PLXND1: variants seen among roughly 807,000 people sequenced by gnomAD.
PLXND1 encodes the protein plexin-D1.
In PLXND1, 54 loss-of-function variants were observed where a neutral mutation model predicts 197.7. The ratio of observed to expected loss-of-function variants is 0.27; its 90% CI spans 0.22 to 0.34. PLXND1 has a LOEUF of 0.34. Ranked by LOEUF, PLXND1 falls within the 10% of genes least tolerant of loss-of-function variation. The probability of loss-of-function intolerance (pLI) is 1.00; values close to 1 mark genes in which losing one functional copy is unlikely to be tolerated. For missense variants in PLXND1, 2,127 were observed against 2,699.2 expected (o/e 0.79, Z 4.70); for synonymous variants, 1,180 against 1,161.2 (o/e 1.02, Z -0.33).
intron 1 of PLXND1, among the ~76,000 whole-genome samples, chr3:129,595,486 G>C (rs1160586083): frequency 6.6e-6 from 1 of 152,234 alleles, no homozygotes; most frequent in African/African-American, 2.4e-5. Context: ...TGGCCAACCA[G>C]GCCTAGCACC....
In PLXND1 at chr3:129,562,894, C is replaced by T. The variant is rs949896624; in HGVS notation, c.4718G>A (p.Arg1573Gln). The T allele has an allele frequency of 4.3e-6, 7 of 1,610,144 alleles. No homozygotes were observed. Among genetic ancestry groups the T allele is most frequent in the African/African-American group, 2.7e-5 (2 of 74,854 alleles). The change falls in exon 27 of 36, where the codon CGG (arginine) becomes CAG (glutamine). Residue 1573 changes from arginine to glutamine, a missense_variant. This residue lies in a region of PLXND1 where 532 missense variants were observed against 811.0 expected (regional missense o/e 0.66). Coordinates refer to ENST00000324093, the MANE Select transcript of PLXND1 (RefSeq NM_015103.3). ...TGTCAGCGTGTCGGTGTCCATGGCC[C>T]GCACGCTCAGCGAGTCCATGCCACA... ...QGCGMDSLSV[R>Q]AMDTDTLTQV... is the part of the protein sequence containing the mutation.
chr3:129,555,331 C>G lies in PLXND1; in HGVS notation c.*981G>C, dbSNP rs757891693. 1.7e-6 allele frequency: 1 copy of G among 580,202 alleles called. No homozygotes were observed. The highest frequency in any genetic ancestry group is 3.0e-6 in the Non-Finnish European group (1 of 332,192). 35.9% of individuals were successfully genotyped at this position (580,202 alleles called of 1,614,324 possible). On this transcript the variant is annotated 3_prime_UTR_variant, in exon 36 of 36. Transcript: ENST00000324093. ...CTGGCTGAGTTGGCTGCGAGGGGCC[C>G]GCATGGCCCATCGGCCACAGAGGGT... is the stretch of plus-strand genomic sequence containing the variant.
At chr3:129,575,964 G>A in intron 9 of PLXND1, 109 bp from the exon 10 acceptor site, 1 of 711,390 alleles carries the variant, frequency 1.4e-6, no homozygotes, top group East Asian at 2.7e-5. Flanking sequence ...AGGTGGGCTT[G>A]GTCGAACTGT....
In PLXND1 at chr3:129,557,903, T is replaced by C. The variant is rs1049330979; in HGVS notation, c.5445+525A>G. ...CTGTCTTTGCCTGCGCCGTTCTCTC[T>C]GCCTGGAAGGCCATCCTCTTTCATC... On this transcript the variant is annotated intron_variant, in intron 33 of 35. Transcript: ENST00000324093. The surrounding 1 kb of genome is among the most constrained non-coding windows in gnomAD (Gnocchi z 4.8). Among the ~76,000 whole-genome samples the C allele has an allele frequency of 1.3e-5, 2 of 152,238 alleles. No homozygotes were observed. Among genetic ancestry groups the C allele is most frequent in the Non-Finnish European group, 2.9e-5 (2 of 68,044 alleles).
intron 1 of PLXND1, among the ~76,000 whole-genome samples, chr3:129,604,661 T>C (rs911148339): frequency 8.5e-5 from 13 of 152,200 alleles, no homozygotes; most frequent in Non-Finnish European, 1.9e-4. Context: ...ACACACCTGT[T>C]TGCCAACCAT....
chr3:129,580,267 G>A (rs1420108103), intron 8 of PLXND1, among the ~76,000 whole-genome samples: 4 of 152,100 alleles, frequency 2.6e-5, no homozygotes, highest in Non-Finnish European at 4.4e-5. Context: ...AGCCAGGCCC[G>A]GGTGCTGCTG....
chr3:129,586,531 C>G, intron 3 of PLXND1, 57 bp downstream of exon 3: 1 of 1,549,568 alleles, frequency 6.5e-7, no homozygotes, highest in Non-Finnish European at 8.7e-7. Flanking sequence ...AAAGGCCAGG[C>G]AAGCAAGAGG....
chr3:129,557,752 G>A lies in PLXND1; in HGVS notation c.5446-529C>T, dbSNP rs929040008. Among the ~76,000 whole-genome samples, 2 of 152,200 alleles carry A rather than the reference G, an allele frequency of 1.3e-5. No individual in the cohort carries two copies. Among genetic ancestry groups the A allele is most frequent in the East Asian group, 1.9e-4 (1 of 5,196 alleles). ...GGAGCGATGGCATTTTCTCCTTCCCGTGGTCCGTCTCTGAAATGCGTGGGC... is the reference window on the plus strand; with the variant it reads ...GGAGCGATGGCATTTTCTCCTTCCCATGGTCCGTCTCTGAAATGCGTGGGC... On this transcript the variant is annotated intron_variant, in intron 33 of 35. Coordinates refer to ENST00000324093, the MANE Select transcript of PLXND1 (RefSeq NM_015103.3). This position sits in a 1 kb window ranked among gnomAD's most constrained non-coding sequence, Gnocchi z 4.8.
intron 1 of PLXND1, among the ~76,000 whole-genome samples, chr3:129,593,013 G>A (rs1299438535): frequency 2.6e-5 from 4 of 152,276 alleles, no homozygotes; most frequent in Non-Finnish European, 4.4e-5. Context: ...CCCCAGCACC[G>A]TCCTCCTTAA....
chr3:129,605,818 C>T lies in PLXND1; in HGVS notation c.822G>A (p.Gln274=). 1 of 1,610,054 alleles carries T rather than the reference C, an allele frequency of 6.2e-7. No homozygotes were observed. Among genetic ancestry groups the T allele is most frequent in the African/African-American group, 1.3e-5 (1 of 75,018 alleles). ...AGGCGCTCACGAAGCCCAGCTTGTG[C>T]TGCTCCTTGGCGCCCTGCTTGATCT... The part of the protein sequence containing the change: ...ILKIKQGAKE[Q]HKLGFVSAFL... Residue 274 remains glutamine (Q), a synonymous_variant, in exon 1 of 36, where the codon CAG becomes CAA. Coordinates refer to ENST00000324093, the MANE Select transcript of PLXND1 (RefSeq NM_015103.3).
intron 2 of PLXND1, among the ~76,000 whole-genome samples, chr3:129,588,027 T>A (rs958388808): frequency 4.6e-5 from 7 of 152,288 alleles, no homozygotes; most frequent in African/African-American, 1.4e-4. Context: ...ACTCCTTCAA[T>A]CATTTATTGA....
At position 129,555,515 on chromosome 3, in the gene PLXND1, T is replaced by C; in HGVS notation, c.*797A>G. On this transcript the variant is annotated 3_prime_UTR_variant, in exon 36 of 36. Coordinates refer to ENST00000324093, the MANE Select transcript of PLXND1 (RefSeq NM_015103.3). ...GCAAGCGGCAGCTATTCACAGTTGGTGCATGATACGTTTTTTAATATATAA... is the reference window on the plus strand; with the variant it reads ...GCAAGCGGCAGCTATTCACAGTTGGCGCATGATACGTTTTTTAATATATAA... The C allele has an allele frequency of 3.0e-6, 2 of 673,994 alleles. No homozygotes were observed. Among genetic ancestry groups the C allele is most frequent in the African/African-American group, 1.8e-5 (1 of 54,908 alleles). 41.8% of individuals were successfully genotyped at this position (673,994 alleles called of 1,614,324 possible).
At chr3:129,590,451 G>A (rs765293140) in intron 1 of PLXND1, among the ~76,000 whole-genome samples, 31 of 152,128 alleles carry the variant, frequency 2.0e-4, no homozygotes, top group Non-Finnish European at 2.9e-4. Context: ...CCGCAAAGAC[G>A]CAGGCACAAG....
rs992730175 is a variant in PLXND1, at chr3:129,605,635, G to C, written c.1005C>G (p.Thr335=). The stretch of plus-strand genomic sequence containing the variant: ...GCAAGCCCAACTGGATGTAGGACTC[G>C]GTGAGCTTCTTGGCGTCGCCGCCGG... ...HGAGGDAKKL[T]ESYIQLGLQC... The change falls in exon 1 of 36, where the codon ACC becomes ACG. Residue 335 remains threonine (T), a synonymous_variant. Transcript: ENST00000324093. The C allele has an allele frequency of 3.2e-5, 49 of 1,537,614 alleles. No homozygotes were observed. Among genetic ancestry groups the C allele is most frequent in the Non-Finnish European group, 4.3e-5 (49 of 1,145,518 alleles).
At chr3:129,592,310 G>A (rs766877355) in intron 1 of PLXND1, among the ~76,000 whole-genome samples, 10 of 152,228 alleles carry the variant, frequency 6.6e-5, no homozygotes, top group Admixed American at 3.3e-4. Flanking sequence ...TCACCACTGC[G>A]AGGGATGATT....
chr3:129,560,845 A>C lies in PLXND1; in HGVS notation c.4994-122T>G, dbSNP rs185980256. On this transcript the variant is annotated intron_variant, in intron 29 of 35. Coordinates refer to ENST00000324093, the MANE Select transcript of PLXND1 (RefSeq NM_015103.3). ...GAAAGATGGGGAGAGAAACAGAAGC[A>C]GAGACAGAAAGATGGAGAGAGAAAC... is the stretch of plus-strand genomic sequence containing the variant. 7.2e-5 allele frequency: 52 copies of C among 722,498 alleles called. No homozygotes were observed. The East Asian group carries it at 1.2e-3, about 16-fold the overall frequency. The allele number at this position is 722,498 out of a possible 1,614,324, so 44.8% of individuals were successfully genotyped here.
chr3:129,605,435 G>A lies in PLXND1; in HGVS notation c.1205C>T (p.Ala402Val), dbSNP rs1166250352. The change falls in exon 1 of 36, where the codon GCT (alanine) becomes GTT (valine). Residue 402 changes from alanine to valine, a missense_variant. Ala to Val is a moderately conservative substitution (Grantham distance 64, BLOSUM62 0). This residue lies in a region of PLXND1 where 1,095 missense variants were observed against 1,259.8 expected (regional missense o/e 0.87). Coordinates refer to ENST00000324093, the MANE Select transcript of PLXND1 (RefSeq NM_015103.3). ...RFADVRAAIR[A>V]ARTACFVEPA... ...TTCCACGAAGCAGGCGGTGCGCGCA[G>A]CTCGGATGGCGGCTCGCACGTCGGC... 4 of 1,503,354 alleles carry A rather than the reference G, an allele frequency of 2.7e-6. No individual in the cohort carries two copies. The highest frequency in any genetic ancestry group is 2.1e-5 in the Admixed American group (1 of 47,068). The allele number at this position is 1,503,354 out of a possible 1,614,324, so 93.1% of individuals were successfully genotyped here. A position where few individuals can be genotyped will look rare whatever the true frequency, so the allele number is the denominator to read the frequency against.
chr3:129,573,653 G>A lies in PLXND1; in HGVS notation c.2778C>T (p.Gly926=), dbSNP rs759897385. ...CACAGGCCACACCACCAATCCACAC[G>A]CCGTGGGCCACGTCACTGAGCCGCC... is the stretch of plus-strand genomic sequence containing the variant. ...LGRRLSDVAH[G]VWIGGVACEP... is the part of the protein sequence containing the mutation. The change falls in exon 13 of 36, where the codon GGC becomes GGT. Residue 926 remains glycine (G), a synonymous_variant. Transcript: ENST00000324093. 15 of 1,613,588 alleles carry A rather than the reference G, an allele frequency of 9.3e-6. No homozygotes were observed. Among genetic ancestry groups the A allele is most frequent in the Middle Eastern group, 1.7e-4 (1 of 6,056 alleles).
Position 129,577,621 on chromosome 3 carries a change from C to T in PLXND1, c.2346+708G>A, listed in dbSNP as rs2085331087. On this transcript the variant is annotated intron_variant, in intron 9 of 35. Coordinates refer to ENST00000324093, the MANE Select transcript of PLXND1 (RefSeq NM_015103.3). The surrounding 1 kb of genome is among the most constrained non-coding windows in gnomAD (Gnocchi z 5.0). ...CCATGGAAGTAACAGATGGCGAGTT[C>T]CAGGGAGGTGGGGAGGGGGGTGGCT... Among the ~76,000 whole-genome samples the T allele has an allele frequency of 6.6e-6, 1 of 152,094 alleles. No individual in the cohort carries two copies. The highest frequency in any genetic ancestry group is 6.5e-5 in the Admixed American group (1 of 15,268).
Sources: gnomAD v4.1 joint callset for allele counts (sites outside exome capture counted in the v4.1 genomes callset) on GRCh38, gnomAD v4.1.1 for gene constraint, gnomAD v4.1.1 regional missense constraint, Gnocchi (gnomAD v3.1) non-coding constraint, MANE v1.5 for transcripts, NCBI Gene and HGNC (gene_info 2026-07-23, HGNC 2026-07-21) for gene names.